PSKH1: variants seen among roughly 807,000 people sequenced by gnomAD.
PSKH1 encodes the protein protein serine kinase H1, also known as serine/threonine-protein kinase H1.
Under a neutral mutation model 26.7 loss-of-function variants are expected in PSKH1, and 12 were observed. The ratio of observed to expected loss-of-function variants is 0.45; its 90% CI spans 0.29 to 0.73. The LOEUF (loss-of-function observed/expected upper bound fraction) is 0.73, where lower values mean the gene tolerates loss of function less well. Among genes scored for constraint, PSKH1 ranks in the 30% least tolerant of loss-of-function variants. The pLI is 0.11. For synonymous variants in PSKH1, 213 were observed against 234.3 expected, an observed-to-expected ratio of 0.91 and a Z score of 0.83; for missense variants, 431 against 595.2, an observed-to-expected ratio of 0.72 and a Z score of 2.87.
At chr16:67,915,888 C>T (rs1008764643) in intron 2 of PSKH1, among the ~76,000 whole-genome samples, 13 of 152,170 alleles carry the variant, frequency 8.5e-5, no homozygotes, top group South Asian at 6.2e-4. Context: ...ATGCAAGAGA[C>T]GTGAAGGCCT....
At position 67,897,654 on chromosome 16, in the gene PSKH1, G is replaced by C. The variant is rs529658465; in HGVS notation, c.-71+4283G>C. On this transcript the variant is annotated intron_variant, in intron 1 of 2. Transcript: ENST00000291041. ...TAAATATTTCTGGGTTGAACGTTGG[G>C]ATTTTGGAAGGAGAACCCCAGGTAC... 6.6e-4 allele frequency among the ~76,000 whole-genome samples: 101 copies of C among 152,198 alleles called. 1 individual carries two copies. The highest frequency in any genetic ancestry group is 1.0e-3 in the Non-Finnish European group (69 of 68,040).
chr16:67,927,779 C>G lies in PSKH1; in HGVS notation c.*137C>G, dbSNP rs1448256862. 10 of 1,082,168 alleles carry G rather than the reference C, an allele frequency of 9.2e-6. No homozygotes were observed. In the East Asian group the frequency reaches 2.3e-4, roughly 25 times the overall value. The allele number at this position is 1,082,168 out of a possible 1,614,324, so 67.0% of individuals were successfully genotyped here. A position where few individuals can be genotyped will look rare whatever the true frequency, so the allele number is the denominator to read the frequency against. On this transcript the variant is annotated 3_prime_UTR_variant, in exon 3 of 3. Coordinates refer to ENST00000291041, the MANE Select transcript of PSKH1 (RefSeq NM_006742.3). This position sits in a 1 kb window ranked among gnomAD's most constrained non-coding sequence, Gnocchi z 5.5. ...AGAATGTCTGGCTCCAGCCCTTTCT[C>G]TGTGCCTTCAGCAGCCCCTGTCCTC... is the stretch of plus-strand genomic sequence containing the variant.
Position 67,909,483 on chromosome 16 carries a change from C to G in PSKH1, c.734C>G (p.Ala245Gly). The G allele has an allele frequency of 5.0e-6, 8 of 1,613,690 alleles. No homozygotes were observed. Among genetic ancestry groups the G allele is most frequent in the Non-Finnish European group, 6.8e-6 (8 of 1,179,986 alleles). Residue 245 changes from alanine (A) to glycine (G), a missense_variant, in exon 2 of 3, where the codon GCT (alanine) becomes GGT (glycine). Coordinates refer to ENST00000291041, the MANE Select transcript of PSKH1 (RefSeq NM_006742.3). The surrounding 1 kb of genome is among the most constrained non-coding windows in gnomAD (Gnocchi z 7.8). ...ATCACCGACTTCGGCCTGGCCAGTG[C>G]TCGCAAGAAGGGTGATGACTGCTTG... is the stretch of plus-strand genomic sequence containing the variant. ...IIITDFGLAS[A>G]RKKGDDCLMK...
At chr16:67,920,228 T>A (rs2058198426) in intron 2 of PSKH1, among the ~76,000 whole-genome samples, 1 of 152,222 alleles carries the variant, frequency 6.6e-6, no homozygotes, top group Non-Finnish European at 1.5e-5. Context: ...CTGGACTGTA[T>A]CTCTCCCACA....
In PSKH1 at chr16:67,927,389, G is replaced by A; in HGVS notation, c.1022G>A (p.Gly341Glu). 1 of 1,614,126 alleles carries A rather than the reference G, an allele frequency of 6.2e-7. No individual in the cohort carries two copies. Among genetic ancestry groups the A allele is most frequent in the Non-Finnish European group, 8.5e-7 (1 of 1,179,976 alleles). Residue 341 changes from glycine (G) to glutamate (E), a missense_variant, in exon 3 of 3, where the codon GGA becomes GAA. Transcript: ENST00000291041. This position sits in a 1 kb window ranked among gnomAD's most constrained non-coding sequence, Gnocchi z 5.5. ...GACCGCCTGCTGACAGTGGACCCTG[G>A]AGCCCGTATGACTGCACTGCAGGCC... is the stretch of plus-strand genomic sequence containing the variant. ...FIDRLLTVDP[G>E]ARMTALQALR... is the part of the protein sequence containing the mutation.
chr16:67,919,187 G>A (rs573680241), intron 2 of PSKH1, among the ~76,000 whole-genome samples: 14 of 152,294 alleles, frequency 9.2e-5, no homozygotes, highest in East Asian at 3.9e-4. Context: ...GCAGGGAAGC[G>A]GGGAGCGTGT....
intron 2 of PSKH1, among the ~76,000 whole-genome samples, chr16:67,921,535 C>T (rs537519358): frequency 4.6e-5 from 7 of 150,680 alleles, no homozygotes; most frequent in Non-Finnish European, 7.4e-5. Flanking sequence ...GATTGCACAT[C>T]GCGCCACTGC....
At chr16:67,926,228 G>A (rs181302761) in intron 2 of PSKH1, among the ~76,000 whole-genome samples, 32 of 152,268 alleles carry the variant, frequency 2.1e-4, no homozygotes, top group African/African-American at 5.8e-4. Flanking sequence ...ATGCAGGGAC[G>A]CAAGGACTCA....
intron 1 of PSKH1, among the ~76,000 whole-genome samples, chr16:67,894,445 C>G (rs1213372595): frequency 6.6e-6 from 1 of 152,190 alleles, no homozygotes; most frequent in Non-Finnish European, 1.5e-5. Flanking sequence ...TGTGCTTGGT[C>G]CCCTTGTGCT....
intron 1 of PSKH1, 106 bp downstream of exon 1, chr16:67,893,477 C>A (rs2058117417): frequency 6.6e-6 from 1 of 152,340 alleles, no homozygotes; most frequent in South Asian, 2.1e-4. Flanking sequence ...GGTCAGCCTG[C>A]AGCGTCGGCC....
At position 67,928,612 on chromosome 16, in the gene PSKH1, C is replaced by CGAAA. The variant is rs1283928846; in HGVS notation, c.*970_*971insGAAA. 1 of 152,702 alleles carries CGAAA rather than the reference C, an allele frequency of 6.5e-6. No individual in the cohort carries two copies. The highest frequency in any genetic ancestry group is 1.5e-5 in the Non-Finnish European group (1 of 68,272). 9.5% of individuals were successfully genotyped at this position (152,702 alleles called of 1,614,324 possible). ...TTTGGTGCAGCCCCATTGCCTTTTC[C>CGAAA]CTTCAGGCTCTGTTGCTCCCTCCTC... On this transcript the variant is annotated 3_prime_UTR_variant, in exon 3 of 3. Coordinates refer to ENST00000291041, the MANE Select transcript of PSKH1 (RefSeq NM_006742.3). The surrounding 1 kb of genome is among the most constrained non-coding windows in gnomAD (Gnocchi z 4.8).
At chr16:67,911,270 T>C (rs1342979484) in intron 2 of PSKH1, among the ~76,000 whole-genome samples, 1 of 152,182 alleles carries the variant, frequency 6.6e-6, no homozygotes, top group Non-Finnish European at 1.5e-5. Flanking sequence ...CCATGCCTCT[T>C]GTAAATCTTC....
intron 1 of PSKH1, among the ~76,000 whole-genome samples, chr16:67,903,539 C>A (rs556231127): frequency 4.6e-5 from 7 of 152,094 alleles, no homozygotes; most frequent in African/African-American, 1.7e-4. Flanking sequence ...ACAGTCTCAG[C>A]TCACTGCAAC....
rs777845464 is a variant in PSKH1 at position 67,909,065 on chromosome 16, C to A, written c.316C>A (p.Arg106=). The change falls in exon 2 of 3, where the codon CGA becomes AGA. Residue 106 remains arginine, a synonymous_variant. Transcript: ENST00000291041. The surrounding 1 kb of genome is among the most constrained non-coding windows in gnomAD (Gnocchi z 7.8). ...GTATGACATCAAGGCCCTAATTGGC[C>A]GAGGCAGCTTCAGCCGAGTGGTACG... ...AKYDIKALIG[R]GSFSRVVRVE... is the part of the protein sequence containing the mutation. The A allele has an allele frequency of 6.2e-7, 1 of 1,614,006 alleles. No homozygotes were observed. The highest frequency in any genetic ancestry group is 8.5e-7 in the Non-Finnish European group (1 of 1,180,046).
At chr16:67,893,456 G>C (rs2058117317) in intron 1 of PSKH1, 85 bp downstream of exon 1, 1 of 152,316 alleles carries the variant, frequency 6.6e-6, no homozygotes, top group Non-Finnish European at 1.5e-5. Flanking sequence ...GGCGCTCCGG[G>C]GCCTGCCCCT....
chr16:67,907,192 T>C (rs1285114518), intron 1 of PSKH1, among the ~76,000 whole-genome samples: 1 of 151,754 alleles, frequency 6.6e-6, no homozygotes, highest in Admixed American at 6.6e-5. Context: ...CTCGATCTCC[T>C]GACCTTGTGA....
chr16:67,917,457 T>C (rs1215096334), intron 2 of PSKH1, among the ~76,000 whole-genome samples: 2 of 152,260 alleles, frequency 1.3e-5, no homozygotes, highest in Admixed American at 6.5e-5. Flanking sequence ...TCAATACATA[T>C]GCTGTCCACT....
At chr16:67,917,434 G>A (rs1488103247) in intron 2 of PSKH1, among the ~76,000 whole-genome samples, 1 of 152,236 alleles carries the variant, frequency 6.6e-6, no homozygotes, top group African/African-American at 2.4e-5. Context: ...GGTCCTTGAG[G>A]ACAGCATGTA....
In PSKH1 at chr16:67,920,748, C is replaced by G. The variant is rs141033345; in HGVS notation, c.958-6577C>G. ...ATCACACAAGGTTACCCTTCTCCATCGTGCCTGACGTCCCTCGGTAGATGT... is the reference window on the plus strand; with the variant it reads ...ATCACACAAGGTTACCCTTCTCCATGGTGCCTGACGTCCCTCGGTAGATGT... On this transcript the variant is annotated intron_variant, in intron 2 of 2. Transcript: ENST00000291041. Among the ~76,000 whole-genome samples the G allele has an allele frequency of 2.6e-3, 394 of 152,366 alleles. 3 individuals carry two copies. Among genetic ancestry groups the G allele is most frequent in the South Asian group, 0.016 (78 of 4,832 alleles).
Sources: allele counts gnomAD v4.1 joint callset (sites outside exome capture counted in the v4.1 genomes callset), GRCh38; gene constraint gnomAD v4.1.1; non-coding constraint Gnocchi (gnomAD v3.1); transcripts MANE v1.5; gene names NCBI Gene and HGNC (gene_info 2026-07-23, HGNC 2026-07-21).